The following MAP3K19 variants were observed in gnomAD, a reference collection of about 807,000 sequenced individuals.
The protein encoded by MAP3K19 is mitogen-activated protein kinase kinase kinase 19.
Under a neutral mutation model 114.4 loss-of-function variants are expected in MAP3K19, and 91 were observed. That is an observed-to-expected ratio of 0.80 (90% CI 0.67 to 0.95). The LOEUF (loss-of-function observed/expected upper bound fraction) is 0.95, where lower values mean the gene tolerates loss of function less well. Among genes scored for constraint, MAP3K19 ranks in the 40% least tolerant of loss-of-function variants. The pLI is 0.00. For missense variants in MAP3K19, 1,471 were observed against 1,573.2 expected, an observed-to-expected ratio of 0.94 and a Z score of 1.10; for synonymous variants, 518 against 530.5, an observed-to-expected ratio of 0.98 and a Z score of 0.32.
chr2:135,041,487 C>T (rs902175973), intron 1 of MAP3K19, among the ~76,000 whole-genome samples: 3 of 151,934 alleles, frequency 2.0e-5, no homozygotes, highest in Admixed American at 2.0e-4. Flanking sequence ...ACTACTGGTG[C>T]GCCACCATGC....
chr2:135,028,905 C>T (rs1351257075), intron 3 of MAP3K19, among the ~76,000 whole-genome samples: 1 of 152,006 alleles, frequency 6.6e-6, no homozygotes, highest in Admixed American at 6.6e-5. Context: ...AAGAAACCAC[C>T]TCTGATATCA....
intron 2 of MAP3K19, among the ~76,000 whole-genome samples, chr2:135,031,120 T>A (rs1187673824): frequency 1.3e-5 from 2 of 151,064 alleles, no homozygotes; most frequent in Non-Finnish European, 2.9e-5. Context: ...AGCCAGCCTT[T>A]AAAGTATTTG....
intron 5 of MAP3K19, among the ~76,000 whole-genome samples, chr2:135,018,132 A>T (rs1687699412): frequency 6.6e-6 from 1 of 152,102 alleles, no homozygotes; most frequent in East Asian, 1.9e-4. Context: ...TCTCTACTAA[A>T]AATACAAAAT....
chr2:134,977,082 G>A (rs1181626492), intron 12 of MAP3K19, among the ~76,000 whole-genome samples: 1 of 150,306 alleles, frequency 6.7e-6, no homozygotes, highest in Non-Finnish European at 1.5e-5. Context: ...TTCACTATCT[G>A]GAGGCCCTTT....
intron 8 of MAP3K19, among the ~76,000 whole-genome samples, chr2:134,995,873 A>G (rs1685946879): frequency 1.3e-5 from 2 of 152,224 alleles, no homozygotes; most frequent in Non-Finnish European, 2.9e-5. Context: ...CAAACTGAAC[A>G]ATTAATAAAT....
At chr2:135,044,680 A>T (rs1688705017) in intron 1 of MAP3K19, among the ~76,000 whole-genome samples, 1 of 152,174 alleles carries the variant, frequency 6.6e-6, no homozygotes, top group Admixed American at 6.5e-5. Context: ...TCATGTTTGG[A>T]CCTTAGCTAG....
At chr2:135,046,097 T>C (rs1393406470) in intron 1 of MAP3K19, among the ~76,000 whole-genome samples, 1 of 152,084 alleles carries the variant, frequency 6.6e-6, no homozygotes, top group Non-Finnish European at 1.5e-5. Context: ...GCTAGTTATT[T>C]TTATGTTTTA....
intron 12 of MAP3K19, 112 bp downstream of exon 12, chr2:134,980,709 T>C: frequency 1.1e-6 from 1 of 939,620 alleles, no homozygotes. Context: ...CACTGTCTAC[T>C]TGACTTCATA....
intron 3 of MAP3K19, among the ~76,000 whole-genome samples, chr2:135,028,992 C>A (rs923324174): frequency 6.6e-6 from 1 of 152,156 alleles, no homozygotes; most frequent in Non-Finnish European, 1.5e-5. Context: ...AATTCAGCAT[C>A]TGTTGATCAA....
At chr2:135,023,300 T>A (rs1291360845) in intron 4 of MAP3K19, 5 of 379,102 alleles carry the variant, frequency 1.3e-5, no homozygotes, top group South Asian at 1.0e-4. Flanking sequence ...CTCCTCTCAC[T>A]TCCTGAGTCC....
At chr2:134,975,558 A>G (rs1684182125) in intron 12 of MAP3K19, among the ~76,000 whole-genome samples, 1 of 151,906 alleles carries the variant, frequency 6.6e-6, no homozygotes, top group African/African-American at 2.4e-5. Flanking sequence ...TGGCATGATG[A>G]TTGGGTGGCT....
rs189765382 is a variant in MAP3K19, at chr2:134,982,154, G to C, written c.3223-636C>G. ...TTTTTTGGAGACAGAGTCTCTCTCT[G>C]TCACCCAGGCTGGAGTGCAGTGGCC... On this transcript the variant is annotated intron_variant, in intron 11 of 12. Transcript: ENST00000392915. Among the ~76,000 whole-genome samples, 13 of 113,906 alleles carry C rather than the reference G, an allele frequency of 1.1e-4. No homozygotes were observed. The East Asian group carries it at 3.0e-3, about 26-fold the overall frequency. The allele number at this position is 113,906 out of a possible 152,430, so 74.7% of individuals were successfully genotyped here. A position where few individuals can be genotyped will look rare whatever the true frequency, so the allele number is the denominator to read the frequency against.
Position 134,981,357 on chromosome 2 carries a change from C to T in MAP3K19, c.3384G>A (p.Gly1128=). The change falls in exon 12 of 13, where the codon GGG becomes GGA. Residue 1128 remains glycine, a synonymous_variant. Transcript: ENST00000392915. ...TCACAGTGTTCTCTTGCAAGCATGT[C>T]CCCAAATAGGCCACAATGTTGACAT... The part of the protein sequence containing the change: ...LKHVNIVAYL[G]TCLQENTVSI... The T allele has an allele frequency of 6.2e-7, 1 of 1,614,186 alleles. No individual in the cohort carries two copies. The highest frequency in any genetic ancestry group is 8.5e-7 in the Non-Finnish European group (1 of 1,180,028).
intron 1 of MAP3K19, among the ~76,000 whole-genome samples, chr2:135,045,218 T>C (rs917583207): frequency 6.6e-6 from 1 of 152,236 alleles, no homozygotes; most frequent in African/African-American, 2.4e-5. Flanking sequence ...TTCTTTAAGC[T>C]CTTTTAAGAG....
intron 4 of MAP3K19, chr2:135,023,754 T>C (rs897549595): frequency 5.7e-6 from 2 of 353,142 alleles, no homozygotes; most frequent in Non-Finnish European, 1.1e-5. Flanking sequence ...CTTACCACCA[T>C]ACATATGGGC....
At chr2:134,966,148 G>C (rs891731696) in intron 12 of MAP3K19, among the ~76,000 whole-genome samples, 2 of 152,192 alleles carry the variant, frequency 1.3e-5, no homozygotes, top group Admixed American at 6.5e-5. Flanking sequence ...CACTTAGGTG[G>C]ATCCATACCT....
intron 9 of MAP3K19, among the ~76,000 whole-genome samples, chr2:134,990,874 A>G (rs1218600467): frequency 2.0e-5 from 3 of 152,174 alleles, no homozygotes; most frequent in Non-Finnish European, 4.4e-5. Context: ...TCAACTGTTT[A>G]TGTTATCTAT....
rs769228724 is a variant in MAP3K19 at position 134,998,821 on chromosome 2, G to A, written c.491C>T (p.Ser164Phe). Reference sequence around the variant, plus strand: ...CTTGGAAATGTTCAGTTCTAAACAAGATCTTGGTAGCAAAAAGCCCAAGTT... The same window carrying A: ...CTTGGAAATGTTCAGTTCTAAACAAAATCTTGGTAGCAAAAAGCCCAAGTT... ...NVNLGFLLPR[S>F]CLELNISKSV... Residue 164 changes from serine to phenylalanine, a missense_variant, in exon 8 of 13, where the codon TCT becomes TTT. Coordinates refer to ENST00000392915, the MANE Select transcript of MAP3K19 (RefSeq NM_025052.5). The A allele has an allele frequency of 6.2e-7, 1 of 1,614,044 alleles. No homozygotes were observed. The highest frequency in any genetic ancestry group is 8.5e-7 in the Non-Finnish European group (1 of 1,180,034).
In MAP3K19 at chr2:134,988,221, C is replaced by T. The variant is rs776520231; in HGVS notation, c.651G>A (p.Thr217=). The change falls in exon 10 of 13, where the codon ACG becomes ACA. Residue 217 remains threonine, a synonymous_variant. Coordinates refer to ENST00000392915, the MANE Select transcript of MAP3K19 (RefSeq NM_025052.5). ...GGGGGATAGTAAGGACACCAGATCG[C>T]GTGGGCAAGAGTGACAGTGGTGGCA... ...FLLPPLSLLP[T]RSGVLTIPQN... is the part of the protein sequence containing the mutation. 9.7e-5 allele frequency: 154 copies of T among 1,592,156 alleles called. No individual in the cohort carries two copies. Among genetic ancestry groups the T allele is most frequent in the Admixed American group, 2.1e-4 (12 of 57,252 alleles).
Sources: allele counts gnomAD v4.1 joint callset (sites outside exome capture counted in the v4.1 genomes callset), GRCh38; gene constraint gnomAD v4.1.1; transcripts MANE v1.5; gene names NCBI Gene and HGNC (gene_info 2026-07-23, HGNC 2026-07-21).